Variants in NSUN6 observed in about 807,000 individuals in gnomAD.
NSUN6 encodes NOP2/Sun RNA methyltransferase 6.
A neutral mutation model predicts 58.0 loss-of-function variants in NSUN6; 64 were observed. The observed-to-expected ratio is 1.10, with a 90% CI of 0.90 to 1.36. The LOEUF is 1.36. Among genes scored for constraint, NSUN6 ranks in the 40% most tolerant of loss-of-function variants. The pLI is 0.00. For synonymous variants in NSUN6, 231 were observed against 193.9 expected (o/e 1.19, Z -1.59); for missense variants, 701 against 550.1 (o/e 1.27, Z -2.74).
intron 10 of NSUN6, among the ~76,000 whole-genome samples, chr10:18,547,603 T>C (rs1443445367): frequency 6.6e-6 from 1 of 152,164 alleles, no homozygotes; most frequent in South Asian, 2.1e-4. Context: ...TAAAGAGTTG[T>C]GTTAGGTAAA....
chr10:18,548,022 A>G, intron 10 of NSUN6, 90 bp downstream of exon 10: 1 of 1,268,388 alleles, frequency 7.9e-7, no homozygotes, highest in East Asian at 2.5e-5. Context: ...TGGAAGTTTT[A>G]CTTATCTCTT....
intron 2 of NSUN6, among the ~76,000 whole-genome samples, chr10:18,647,950 G>T (rs2059596954): frequency 6.6e-6 from 1 of 152,036 alleles, no homozygotes; most frequent in East Asian, 1.9e-4. Context: ...TACTGGCCAG[G>T]CTGGTCCCAA....
In NSUN6 at chr10:18,593,885, A is replaced by C. The variant is rs555049125; in HGVS notation, c.777+2323T>G. On this transcript the variant is annotated intron_variant, in intron 7 of 10. Transcript: ENST00000377304. ...AACTTAAAGCACAATTAAAAAAAAA[A>C]AAAAAGGGCCAAAATTTTAAGAATG... 4.7e-3 allele frequency among the ~76,000 whole-genome samples: 710 copies of C among 152,030 alleles called. 5 individuals carry two copies. Among genetic ancestry groups the C allele is most frequent in the African/African-American group, 0.014 (576 of 41,468 alleles).
intron 7 of NSUN6, among the ~76,000 whole-genome samples, chr10:18,593,279 C>T (rs11015034): frequency 0.048 from 7,354 of 152,234 alleles, 265 homozygotes; most frequent in Non-Finnish European, 0.077. Context: ...TTAGTTCAAC[C>T]GCTGTGGAAG....
intron 3 of NSUN6, among the ~76,000 whole-genome samples, chr10:18,620,470 C>G (rs1267906907): frequency 6.6e-6 from 1 of 152,146 alleles, no homozygotes; most frequent in African/African-American, 2.4e-5. Context: ...CTGCCTCTCC[C>G]AACTTCTTCA....
At chr10:18,548,285 CAT>C in intron 9 of NSUN6, 48 bp from the exon 10 acceptor site, 1 of 1,526,612 alleles carries the variant, frequency 6.6e-7, no homozygotes. Context: ...ACCAGATAAA[CAT>C]ATGAATGAAT....
rs570946320 is a variant in NSUN6, at chr10:18,593,751, A to G, written c.777+2457T>C. Among the ~76,000 whole-genome samples, 5 of 152,116 alleles carry G rather than the reference A, an allele frequency of 3.3e-5. No homozygotes were observed. In the East Asian group the frequency reaches 7.7e-4, roughly 24 times the overall value. On this transcript the variant is annotated intron_variant, in intron 7 of 10. Coordinates refer to ENST00000377304, the MANE Select transcript of NSUN6 (RefSeq NM_182543.5). ...AGGGATAGCATTAGGAAAAATACCT[A>G]ATGCATGTGGGGCTTAAAACTTAGA...
upstream of NSUN6, among the ~76,000 whole-genome samples, chr10:18,656,498 C>T (rs546887826): frequency 6.6e-6 from 1 of 152,292 alleles, no homozygotes; most frequent in Non-Finnish European, 1.5e-5. Context: ...GATCACACAA[C>T]TGCACTCCAG....
intron 6 of NSUN6, among the ~76,000 whole-genome samples, chr10:18,600,748 T>G (rs1013688592): frequency 7.3e-5 from 11 of 151,158 alleles, no homozygotes; most frequent in African/African-American, 2.7e-4. Flanking sequence ...GCCAATATGG[T>G]GAAACCCCAC....
At chr10:18,643,362 C>A (rs1001516461) in intron 2 of NSUN6, among the ~76,000 whole-genome samples, 1 of 151,742 alleles carries the variant, frequency 6.6e-6, no homozygotes. Flanking sequence ...AAATATCTGA[C>A]AACAAGTCTG....
intron 8 of NSUN6, among the ~76,000 whole-genome samples, chr10:18,554,063 G>C (rs1168535821): frequency 1.3e-5 from 2 of 151,616 alleles, no homozygotes; most frequent in South Asian, 2.1e-4. Flanking sequence ...GAATGGAATG[G>C]AGAATAGAAT....
rs117744122 is a variant in NSUN6 at position 18,569,691 on chromosome 10, C to T, written c.922+16258G>A. 1.9e-4 allele frequency among the ~76,000 whole-genome samples: 28 copies of T among 150,532 alleles called. No individual in the cohort carries two copies. In the East Asian group the frequency reaches 5.0e-3, roughly 27 times the overall value. ...ATTCAATTCCATATTCTATTCCTTT[C>T]TCCATTCCACTCTCCATTCTATTCC... On this transcript the variant is annotated intron_variant, in intron 8 of 10. Coordinates refer to ENST00000377304, the MANE Select transcript of NSUN6 (RefSeq NM_182543.5).
At chr10:18,591,231 T>G (rs1183486666) in intron 7 of NSUN6, among the ~76,000 whole-genome samples, 1 of 152,044 alleles carries the variant, frequency 6.6e-6, no homozygotes, top group Non-Finnish European at 1.5e-5. Flanking sequence ...GTTCTGAAAT[T>G]GAGGCGGTAA....
At chr10:18,570,545 G>A (rs1300551686) in intron 8 of NSUN6, among the ~76,000 whole-genome samples, 1 of 101,498 alleles carries the variant, frequency 9.9e-6, no homozygotes, top group African/African-American at 3.6e-5. Context: ...ATTCCATTCC[G>A]CTCTTTTCCA....
upstream of NSUN6, among the ~76,000 whole-genome samples, chr10:18,656,623 C>T (rs2059780215): frequency 6.6e-6 from 1 of 152,118 alleles, no homozygotes; most frequent in Non-Finnish European, 1.5e-5. Context: ...CAAGTATTAT[C>T]TGAAGTTAGT....
At chr10:18,636,276 C>G (rs899782777) in intron 3 of NSUN6, among the ~76,000 whole-genome samples, 1 of 151,368 alleles carries the variant, frequency 6.6e-6, no homozygotes, top group Non-Finnish European at 1.5e-5. Flanking sequence ...GAGAAATAAA[C>G]TGTGCCATAA....
intron 3 of NSUN6, among the ~76,000 whole-genome samples, chr10:18,639,573 C>G (rs2059331381): frequency 6.6e-6 from 1 of 152,108 alleles, no homozygotes; most frequent in African/African-American, 2.4e-5. Context: ...AAGTAATTGA[C>G]TTATTCTTTT....
chr10:18,555,899 GGAATGGA>G (rs1564709211), intron 8 of NSUN6, among the ~76,000 whole-genome samples: 1 of 131,914 alleles, frequency 7.6e-6, no homozygotes, highest in South Asian at 2.4e-4. Context: ...AGAATAGAAT[GGAATGGA>G]GAATGGAATG....
rs569218570 is a variant in NSUN6 at position 18,637,287 on chromosome 10, A to G, written c.311+5189T>C. Among the ~76,000 whole-genome samples the G allele has an allele frequency of 2.0e-5, 3 of 152,310 alleles. No homozygotes were observed. The East Asian group carries it at 5.8e-4, about 29-fold the overall frequency. ...CTCTTTTCAGGAATGAAATGTAGGT[A>G]TGTGAATTTACAATCCTAAATAATT... On this transcript the variant is annotated intron_variant, in intron 3 of 10. Coordinates refer to ENST00000377304, the MANE Select transcript of NSUN6 (RefSeq NM_182543.5).
Sources: gnomAD v4.1 joint callset for allele counts (sites outside exome capture counted in the v4.1 genomes callset) on GRCh38, gnomAD v4.1.1 for gene constraint, MANE v1.5 for transcripts, NCBI Gene and HGNC (gene_info 2026-07-23, HGNC 2026-07-21) for gene names.